Variants in CHN2 observed in about 807,000 individuals in gnomAD.
The protein encoded by CHN2 is beta-chimaerin.
CHN2 carries 35 observed loss-of-function variants against 56.3 expected under a neutral mutation model. That is an observed-to-expected ratio of 0.62 (90% CI 0.47 to 0.82). The LOEUF is 0.82. Among genes scored for constraint, CHN2 ranks in the 40% least tolerant of loss-of-function variants. CHN2 has a pLI of 0.00. For synonymous variants in CHN2, 210 were observed against 212.8 expected (o/e 0.99, Z 0.12); for missense variants, 491 against 580.5 (o/e 0.85, Z 1.58).
At chr7:29,334,543 C>T (rs1019186610) in intron 1 of CHN2, 3 of 152,184 alleles carry the variant, frequency 2.0e-5, no homozygotes, top group Non-Finnish European at 4.4e-5. Context: ...TCGCTTGAGC[C>T]CAGGAGTTCA....
chr7:29,342,394 A>G (rs923151933), intron 1 of CHN2, among the ~76,000 whole-genome samples: 1 of 152,234 alleles, frequency 6.6e-6, no homozygotes, highest in African/African-American at 2.4e-5. Flanking sequence ...TCTCTACTTC[A>G]GGACTACTTG....
intron 7 of CHN2, among the ~76,000 whole-genome samples, chr7:29,494,604 A>T (rs1789038294): frequency 6.6e-6 from 1 of 152,172 alleles, no homozygotes; most frequent in Admixed American, 6.5e-5. Flanking sequence ...ATGTTGAGAA[A>T]TTTTTGGCAT....
intron 1 of CHN2, among the ~76,000 whole-genome samples, chr7:29,312,036 T>C (rs1010689890): frequency 6.6e-6 from 1 of 152,194 alleles, no homozygotes; most frequent in African/African-American, 2.4e-5. Flanking sequence ...GGGTATGATT[T>C]GAGGCAACTA....
chr7:29,439,574 C>T (rs1783481155), intron 6 of CHN2, among the ~76,000 whole-genome samples: 1 of 152,156 alleles, frequency 6.6e-6, no homozygotes. Flanking sequence ...CCCTCTTCAT[C>T]CACATCCCCC....
chr7:29,444,903 A>G (rs1458089697), intron 6 of CHN2, among the ~76,000 whole-genome samples: 1 of 152,306 alleles, frequency 6.6e-6, no homozygotes, highest in East Asian at 1.9e-4. Flanking sequence ...CAGGCATTCG[A>G]TGGTTTGGAT....
At chr7:29,298,410 T>G (rs1010399255) in intron 1 of CHN2, among the ~76,000 whole-genome samples, 7 of 152,142 alleles carry the variant, frequency 4.6e-5, no homozygotes, top group Admixed American at 1.3e-4. Context: ...GGGGGTTGCA[T>G]GGACTCCTTA....
At chr7:29,289,624 C>T (rs1792428373) in intron 1 of CHN2, among the ~76,000 whole-genome samples, 1 of 152,088 alleles carries the variant, frequency 6.6e-6, no homozygotes, top group African/African-American at 2.4e-5. Context: ...CATTATCCTG[C>T]GGGGTGGAGG....
chr7:29,171,885 C>G (rs115794163), intron 2 of CHN2, among the ~76,000 whole-genome samples: 2 of 152,142 alleles, frequency 1.3e-5, no homozygotes, highest in Non-Finnish European at 2.9e-5. Flanking sequence ...AATGGACTTA[C>G]GAACTGATTT....
chr7:29,497,802 C>T (rs1288952268), intron 8 of CHN2, among the ~76,000 whole-genome samples: 1 of 152,084 alleles, frequency 6.6e-6, no homozygotes, highest in East Asian at 1.9e-4. Context: ...CACATTGTTG[C>T]TTTAGGTCTT....
At chr7:29,332,300 T>C (rs1490108842) in intron 1 of CHN2, among the ~76,000 whole-genome samples, 1 of 152,154 alleles carries the variant, frequency 6.6e-6, no homozygotes, top group Non-Finnish European at 1.5e-5. Flanking sequence ...TGTGGGGTTC[T>C]TGGGAGGCTG....
Position 29,183,403 on chromosome 7 carries a change from G to T in CHN2, c.274+36443G>T, listed in dbSNP as rs113908484. Among the ~76,000 whole-genome samples, 1,031 of 147,712 alleles carry T rather than the reference G, an allele frequency of 7.0e-3. 19 individuals are homozygous for T. Among genetic ancestry groups the T allele is most frequent in the African/African-American group, 0.025 (982 of 39,968 alleles). On this transcript the variant is annotated intron_variant, in intron 2 of 6. Coordinates refer to the CHN2 transcript ENST00000439384. ...CTAGCCTTTTTTTTTTTGAGACAGGGTCTTGCTCTGTTGCCCAGGCTGGAG... is the reference window on the plus strand; with the variant it reads ...CTAGCCTTTTTTTTTTTGAGACAGGTTCTTGCTCTGTTGCCCAGGCTGGAG...
intron 1 of CHN2, among the ~76,000 whole-genome samples, chr7:29,337,960 G>C (rs910001856): frequency 1.3e-4 from 20 of 152,258 alleles, no homozygotes; most frequent in African/African-American, 4.8e-4. Context: ...AGGAAAACTG[G>C]AGGCTCCCAG....
chr7:29,301,360 C>T (rs974683079), intron 1 of CHN2, among the ~76,000 whole-genome samples: 3 of 151,098 alleles, frequency 2.0e-5, no homozygotes, highest in Admixed American at 6.6e-5. Context: ...CACACACACA[C>T]ACACACACAC....
At chr7:29,159,152 T>C (rs777373491) in intron 2 of CHN2, among the ~76,000 whole-genome samples, 2 of 152,156 alleles carry the variant, frequency 1.3e-5, no homozygotes, top group African/African-American at 4.8e-5. Flanking sequence ...TGAGAAAGCA[T>C]TGTGCAGACT....
At position 29,498,847 on chromosome 7, in the gene CHN2, T is replaced by C. The variant is rs991040851; in HGVS notation, c.740-1020T>C. On this transcript the variant is annotated intron_variant, in intron 8 of 12. Transcript: ENST00000222792. ...CGCAATCTCAGCTTACTGCAACCTC[T>C]GCCTCCTGGGTTCAAGTGATTCTCC... 3.5e-5 allele frequency among the ~76,000 whole-genome samples: 5 copies of C among 142,878 alleles called. No homozygotes were observed. In the Admixed American group the frequency reaches 3.7e-4, roughly 11 times the overall value. 93.7% of individuals were successfully genotyped at this position (142,878 alleles called of 152,430 possible). A position where few individuals can be genotyped will look rare whatever the true frequency, so the allele number is the denominator to read the frequency against.
intron 6 of CHN2, among the ~76,000 whole-genome samples, chr7:29,427,214 G>A (rs1804955041): frequency 6.6e-6 from 1 of 152,188 alleles, no homozygotes; most frequent in Admixed American, 6.5e-5. Flanking sequence ...TACGTGGGAG[G>A]CTGAGGCACA....
At chr7:29,480,040 C>A in intron 6 of CHN2, 1 of 1,531,534 alleles carries the variant, frequency 6.5e-7, no homozygotes, top group Non-Finnish European at 8.8e-7. Flanking sequence ...AGCTGCGGTT[C>A]GAAAATCCTG....
At chr7:29,180,330 G>A (rs541639108) in intron 2 of CHN2, among the ~76,000 whole-genome samples, 10 of 152,172 alleles carry the variant, frequency 6.6e-5, no homozygotes, top group South Asian at 2.1e-4. Flanking sequence ...GATTGAGACC[G>A]TCCTGACTAA....
intron 6 of CHN2, among the ~76,000 whole-genome samples, chr7:29,421,507 C>A (rs565450976): frequency 6.8e-4 from 104 of 152,314 alleles, no homozygotes; most frequent in African/African-American, 2.4e-3. Context: ...GCCGCCCTAA[C>A]CACACATAAG....
Sources: allele counts gnomAD v4.1 joint callset (sites outside exome capture counted in the v4.1 genomes callset), GRCh38; gene constraint gnomAD v4.1.1; transcripts MANE v1.5; gene names NCBI Gene and HGNC (gene_info 2026-07-23, HGNC 2026-07-21).